Variants in NLRP4 observed in about 807,000 individuals in gnomAD.
The protein encoded by NLRP4 is NACHT, LRR and PYD domains-containing protein 4.
In NLRP4, 44 loss-of-function variants were observed where a neutral mutation model predicts 84.7. That is an observed-to-expected ratio of 0.52 (90% confidence interval 0.41 to 0.67). The LOEUF is 0.67. NLRP4 is among the 30% of genes least tolerant of loss of function. The pLI is 0.00. For missense variants in NLRP4, 1,260 were observed against 1,219.4 expected (o/e 1.03, Z -0.50); for synonymous variants, 544 against 476.4 (o/e 1.14, Z -1.85).
chr19:55,862,158 GCGTAAGTCTCCGTTTAT>G lies in NLRP4; in HGVS notation c.2186_2186+16del, dbSNP rs1164660394. Reference sequence around the variant, plus strand: ...CCCAGCAGGCAACGTCAAAGAGCTAGCGTAAGTCTCCGTTTATTGAGACCACTGATTGGGTTTCAGAG... The same window carrying G: ...CCCAGCAGGCAACGTCAAAGAGCTAGTGAGACCACTGATTGGGTTTCAGAG... On this transcript the variant is annotated splice_donor_variant and splice_donor_5th_base_variant and coding_sequence_variant and intron_variant, in exon 5 of 10. Coordinates refer to ENST00000301295, the MANE Select transcript of NLRP4 (RefSeq NM_134444.5). LOFTEE classifies it high-confidence loss of function. 1.7e-5 allele frequency: 28 copies of G among 1,611,298 alleles called. No individual in the cohort carries two copies. Among genetic ancestry groups the G allele is most frequent in the Middle Eastern group, 3.3e-4 (2 of 6,078 alleles).
rs765579369 is a variant in NLRP4, at chr19:55,859,145, G to A, written c.1752G>A (p.Val584=). 2 of 1,613,848 alleles carry A rather than the reference G, an allele frequency of 1.2e-6. No individual in the cohort carries two copies. Among genetic ancestry groups the A allele is most frequent in the Admixed American group, 3.3e-5 (2 of 59,998 alleles). ...CTAACTTTCATATTATTGACAACGT[G>A]GACTTGGTGGTTTCTGCCTACTGCT... The part of the protein sequence containing the change: ...QEANFHIIDN[V]DLVVSAYCLK... The change falls in exon 3 of 10, where the codon GTG becomes GTA. Residue 584 remains valine, a synonymous_variant. Coordinates refer to ENST00000301295, the MANE Select transcript of NLRP4 (RefSeq NM_134444.5).
At chr19:55,850,249 C>CCGTGGCTGCGGTGTAATTTA (rs1984026039) in intron 1 of NLRP4, among the ~76,000 whole-genome samples, 1 of 131,750 alleles carries the variant, frequency 7.6e-6, no homozygotes, top group African/African-American at 3.2e-5. Context: ...GGTGTAATTT[C>CCGTGGCTGCGGTGTAATTTA]CGAGGCTGCG....
chr19:55,878,649 C>A, intron 8 of NLRP4, 145 bp from the exon 9 acceptor site: 1 of 605,306 alleles, frequency 1.7e-6, no homozygotes. Flanking sequence ...CCCACAGACG[C>A]GTGATCTGAG....
intron 1 of NLRP4, among the ~76,000 whole-genome samples, chr19:55,850,272 A>AGGCTGCGGTGTAATTTCCGT: frequency 2.1e-5 from 1 of 48,170 alleles, no homozygotes; most frequent in Non-Finnish European, 3.6e-5. Context: ...GTAATTTCCG[A>AGGCTGCGGTGTAATTTCCGT]GGCTGCGGTG....
chr19:55,870,876 A>G lies in NLRP4; in HGVS notation c.2404A>G (p.Met802Val). The change falls in exon 7 of 10, where the codon ATG becomes GTG. Residue 802 changes from methionine (M) to valine (V), a missense_variant. By Grantham distance (21) the Met-to-Val change is conservative. Coordinates refer to ENST00000301295, the MANE Select transcript of NLRP4 (RefSeq NM_134444.5). ...GCAGTGCTGCGAATACATCTCTGAAATGCTTCTGCGTAACAAGAGCGTGCG... is the reference window on the plus strand; with the variant it reads ...GCAGTGCTGCGAATACATCTCTGAAGTGCTTCTGCGTAACAAGAGCGTGCG... The part of the protein sequence containing the change: ...SEQCCEYISE[M>V]LLRNKSVRYL... 1.2e-6 allele frequency: 2 copies of G among 1,614,176 alleles called. No individual in the cohort carries two copies. The highest frequency in any genetic ancestry group is 1.1e-5 in the South Asian group (1 of 91,090).
rs75238720 is a variant in NLRP4, at chr19:55,878,764, C to T, written c.2697-30C>T. The T allele has an allele frequency of 9.4e-3, 14,945 of 1,588,944 alleles. 1,025 individuals carry two copies. The African/African-American group carries it at 0.16, about 17-fold the overall frequency. On this transcript the variant is annotated intron_variant, in intron 8 of 9. Coordinates refer to ENST00000301295, the MANE Select transcript of NLRP4 (RefSeq NM_134444.5). The stretch of plus-strand genomic sequence containing the variant: ...CCTACCTCCACCCTGAGGCTGGGGC[C>T]GCATCTTACCATGTGTCTTTTTATT...
At chr19:55,875,596 A>T (rs1036730547) in intron 7 of NLRP4, among the ~76,000 whole-genome samples, 3 of 152,202 alleles carry the variant, frequency 2.0e-5, no homozygotes, top group African/African-American at 7.2e-5. Context: ...AGTTTTCTGT[A>T]AGTTGAATTC....
intron 7 of NLRP4, among the ~76,000 whole-genome samples, chr19:55,876,051 G>A (rs1985356947): frequency 6.6e-6 from 1 of 151,978 alleles, no homozygotes; most frequent in Non-Finnish European, 1.5e-5. Flanking sequence ...TAAAAATAAT[G>A]TAGGAACTCT....
Position 55,870,823 on chromosome 19 carries a change from A to T in NLRP4, c.2355-4A>T, listed in dbSNP as rs771738013. The T allele has an allele frequency of 1.2e-6, 2 of 1,612,262 alleles. No individual in the cohort carries two copies. The highest frequency in any genetic ancestry group is 1.7e-6 in the Non-Finnish European group (2 of 1,178,412). ...CTCTCCTTCTCGTGTTTTTGTCCCC[A>T]TAGGTTGGCTTTCTGCCACCTCAGC... is the stretch of plus-strand genomic sequence containing the variant. On this transcript the variant is annotated splice_region_variant and splice_polypyrimidine_tract_variant and intron_variant, in intron 6 of 9. Coordinates refer to ENST00000301295, the MANE Select transcript of NLRP4 (RefSeq NM_134444.5).
In NLRP4 at chr19:55,859,255, T is replaced by C; in HGVS notation, c.1856+6T>C. The C allele has an allele frequency of 6.3e-7, 1 of 1,581,862 alleles. No homozygotes were observed. The highest frequency in any genetic ancestry group is 8.6e-7 in the Non-Finnish European group (1 of 1,160,300). Reference sequence around the variant, plus strand: ...GAGGATGAACACAGCTCTACGTGAGTCCATCCTATGACTTTTTCTCTCTTC... The same window carrying C: ...GAGGATGAACACAGCTCTACGTGAGCCCATCCTATGACTTTTTCTCTCTTC... On this transcript the variant is annotated splice_donor_region_variant and intron_variant, in intron 3 of 9. Coordinates refer to ENST00000301295, the MANE Select transcript of NLRP4 (RefSeq NM_134444.5).
intron 8 of NLRP4, among the ~76,000 whole-genome samples, chr19:55,878,052 G>A (rs183202844): frequency 1.8e-4 from 28 of 152,278 alleles, no homozygotes; most frequent in African/African-American, 6.7e-4. Flanking sequence ...CCTGAGGCAA[G>A]CCAATAGCTT....
At position 55,881,833 on chromosome 19, in the gene NLRP4, G is replaced by A. The variant is rs1162652758; in HGVS notation, c.*246G>A. The A allele has an allele frequency of 3.3e-6, 1 of 301,820 alleles. No homozygotes were observed. Among genetic ancestry groups the A allele is most frequent in the East Asian group, 5.7e-5 (1 of 17,508 alleles). The allele number at this position is 301,820 out of a possible 1,614,324, so 18.7% of individuals were successfully genotyped here. ...GGACCTCTTAACCCCTCAATAAAGT[G>A]TTACATTTCTAAACATTGGAAATTC... On this transcript the variant is annotated 3_prime_UTR_variant, in exon 10 of 10. Coordinates refer to ENST00000301295, the MANE Select transcript of NLRP4 (RefSeq NM_134444.5).
chr19:55,840,939 G>C (rs1983591322), intron 1 of NLRP4, among the ~76,000 whole-genome samples: 1 of 152,098 alleles, frequency 6.6e-6, no homozygotes, highest in Admixed American at 6.6e-5. Flanking sequence ...GAAGAGTTTG[G>C]TGAGTAAGAT....
At chr19:55,870,781 C>T (rs1311105532) in intron 6 of NLRP4, 46 bp from the exon 7 acceptor site, 4 of 1,429,518 alleles carry the variant, frequency 2.8e-6, no homozygotes, top group Admixed American at 3.4e-5. Context: ...CTCCCTGAGA[C>T]ACCACGTCCC....
intron 1 of NLRP4, among the ~76,000 whole-genome samples, chr19:55,837,476 C>G (rs1452681073): frequency 6.6e-6 from 1 of 152,158 alleles, no homozygotes; most frequent in East Asian, 1.9e-4. Flanking sequence ...TAGCCAACCT[C>G]TTTTCATCCC....
intron 5 of NLRP4, among the ~76,000 whole-genome samples, chr19:55,863,978 CA>C (rs1984860431): frequency 6.6e-6 from 1 of 152,124 alleles, no homozygotes; most frequent in African/African-American, 2.4e-5. Context: ...CAACCGAACA[CA>C]AAAAGACCCA....
intron 5 of NLRP4, among the ~76,000 whole-genome samples, chr19:55,864,305 T>C (rs960823670): frequency 2.6e-5 from 4 of 152,254 alleles, no homozygotes; most frequent in African/African-American, 9.6e-5. Flanking sequence ...AGGCGTCTCA[T>C]GTAAGTTGAA....
intron 5 of NLRP4, among the ~76,000 whole-genome samples, chr19:55,862,780 G>A (rs1984812817): frequency 2.0e-5 from 3 of 151,888 alleles, no homozygotes; most frequent in African/African-American, 4.8e-5. Flanking sequence ...AGAAGACTAT[G>A]TATTTCTTTT....
intron 1 of NLRP4, among the ~76,000 whole-genome samples, chr19:55,843,496 G>T (rs902924085): frequency 9.2e-5 from 14 of 151,950 alleles, no homozygotes; most frequent in African/African-American, 3.1e-4. Context: ...TTCGAGACCA[G>T]CCTGGCCAAC....
Sources: allele counts gnomAD v4.1 joint callset (sites outside exome capture counted in the v4.1 genomes callset), GRCh38; gene constraint gnomAD v4.1.1; transcripts MANE v1.5; gene names NCBI Gene and HGNC (gene_info 2026-07-23, HGNC 2026-07-21).